Variants in GBF1 observed in about 807,000 individuals in gnomAD.
GBF1 encodes golgi brefeldin A resistant guanine nucleotide exchange factor 1.
A neutral mutation model predicts 210.5 loss-of-function variants in GBF1; 114 were observed. That is an observed-to-expected ratio of 0.54 (90% CI 0.47 to 0.63). GBF1 has a LOEUF of 0.63. GBF1 is among the 30% of genes least tolerant of loss of function. GBF1 has a pLI of 0.00. For missense variants in GBF1, 1,851 were observed against 2,357.7 expected (o/e 0.79, Z 4.45); for synonymous variants, 850 against 889.2 (o/e 0.96, Z 0.78).
intron 18 of GBF1, among the ~76,000 whole-genome samples, chr10:102,365,896 G>C (rs1339099732): frequency 1.3e-5 from 2 of 148,696 alleles, no homozygotes; most frequent in African/African-American, 5.2e-5. Context: ...GATAGAGTGA[G>C]ATAGAGTGAG....
intron 18 of GBF1, among the ~76,000 whole-genome samples, chr10:102,365,961 A>G (rs1199019830): frequency 6.6e-6 from 1 of 152,174 alleles, no homozygotes; most frequent in Non-Finnish European, 1.5e-5. Context: ...CAAAAAAAAA[A>G]AAGGTGGGAC....
At chr10:102,230,948 T>C in the GBF1 span, 1 of 1,608,564 alleles carries the variant, frequency 6.2e-7, no homozygotes, top group Non-Finnish European at 8.5e-7. Flanking sequence ...GCAAGAGCCT[T>C]GGGCGGCCAG....
chr10:102,286,294 G>A (rs1343113726), intron 3 of GBF1, among the ~76,000 whole-genome samples: 1 of 149,466 alleles, frequency 6.7e-6, no homozygotes, highest in African/African-American at 2.5e-5. Flanking sequence ...ACCACTCCTC[G>A]CATTCCCTGT....
chr10:102,259,737 G>A (rs1016480692), intron 2 of GBF1, among the ~76,000 whole-genome samples: 1 of 152,182 alleles, frequency 6.6e-6, no homozygotes, highest in African/African-American at 2.4e-5. Flanking sequence ...ATGACATAGT[G>A]GGTATGAAAA....
chr10:102,327,190 T>A (rs2056967772), intron 3 of GBF1, among the ~76,000 whole-genome samples: 1 of 152,230 alleles, frequency 6.6e-6, no homozygotes, highest in South Asian at 2.1e-4. Context: ...TTCAGCTTTT[T>A]AAGTGTCCGA....
rs1236286013 is a variant in GBF1 at position 102,379,970 on chromosome 10, C to G, written c.4878+16C>G. On this transcript the variant is annotated intron_variant, in intron 36 of 39. Coordinates refer to ENST00000369983, the MANE Select transcript of GBF1 (RefSeq NM_001377137.1). Reference sequence around the variant, plus strand: ...GCTCTCTAAGGTACTGCTCACCACCCTATACCCACCCTCTCTCCCATACCT... The same window carrying G: ...GCTCTCTAAGGTACTGCTCACCACCGTATACCCACCCTCTCTCCCATACCT... 3 of 1,501,330 alleles carry G rather than the reference C, an allele frequency of 2.0e-6. No homozygotes were observed. Among genetic ancestry groups the G allele is most frequent in the Non-Finnish European group, 1.8e-6 (2 of 1,081,254 alleles). The allele number at this position is 1,501,330 out of a possible 1,614,324, so 93.0% of individuals were successfully genotyped here.
intron 3 of GBF1, among the ~76,000 whole-genome samples, chr10:102,342,755 T>C (rs796904161): frequency 3.9e-5 from 6 of 152,000 alleles, no homozygotes; most frequent in Non-Finnish European, 5.9e-5. Flanking sequence ...TTGGTCTCTT[T>C]AGGAAGCCTT....
intron 8 of GBF1, among the ~76,000 whole-genome samples, chr10:102,357,379 C>T (rs956224206): frequency 1.3e-5 from 2 of 151,530 alleles, no homozygotes; most frequent in Non-Finnish European, 2.9e-5. Flanking sequence ...CCCATTTACT[C>T]AGGAGGCTGA....
At chr10:102,298,203 G>C (rs547453055) in intron 3 of GBF1, among the ~76,000 whole-genome samples, 1 of 152,140 alleles carries the variant, frequency 6.6e-6, no homozygotes, top group Non-Finnish European at 1.5e-5. Flanking sequence ...AAAGTGCTGA[G>C]ATTACAAGCA....
intron 3 of GBF1, among the ~76,000 whole-genome samples, chr10:102,289,895 A>G (rs1406231127): frequency 6.6e-6 from 1 of 152,174 alleles, no homozygotes; most frequent in Non-Finnish European, 1.5e-5. Flanking sequence ...GGATTGCTTG[A>G]GCACAGGAGC....
intron 3 of GBF1, among the ~76,000 whole-genome samples, chr10:102,327,763 G>T (rs2057015096): frequency 6.6e-6 from 1 of 152,220 alleles, no homozygotes; most frequent in Non-Finnish European, 1.5e-5. Context: ...TGCACTCTGG[G>T]CTGGAATGCA....
intron 1 of GBF1, among the ~76,000 whole-genome samples, chr10:102,257,809 G>A (rs930688267): frequency 6.6e-6 from 1 of 151,534 alleles, no homozygotes; most frequent in African/African-American, 2.4e-5. Flanking sequence ...TGCCCAGGCT[G>A]GTCTTAAATT....
chr10:102,360,472 C>A, intron 12 of GBF1, 77 bp downstream of exon 12: 1 of 975,132 alleles, frequency 1.0e-6, no homozygotes, highest in Non-Finnish European at 1.6e-6. Flanking sequence ...GCTGATTACG[C>A]AAAGAGTATA....
chr10:102,381,654 C>T (rs1051417076), intron 39 of GBF1, among the ~76,000 whole-genome samples: 1 of 151,718 alleles, frequency 6.6e-6, no homozygotes. Context: ...GAAACCCCGC[C>T]TGTACCAAAA....
At chr10:102,251,801 C>T (rs2071576474) in intron 1 of GBF1, among the ~76,000 whole-genome samples, 1 of 152,140 alleles carries the variant, frequency 6.6e-6, no homozygotes, top group South Asian at 2.1e-4. Context: ...ACTGATGCTC[C>T]CTCCTTGGCC....
chr10:102,368,674 G>C, intron 22 of GBF1, 65 bp from the exon 23 acceptor site: 2 of 1,147,066 alleles, frequency 1.7e-6, no homozygotes, highest in Non-Finnish European at 2.6e-6. Context: ...TGCAAGCTCA[G>C]GGACTTGGAA....
chr10:102,242,160 TC>T (rs1041116602), upstream of GBF1, among the ~76,000 whole-genome samples: 20 of 152,108 alleles, frequency 1.3e-4, no homozygotes, highest in Non-Finnish European at 2.6e-4. Context: ...CTTCTTCATT[TC>T]CCCCTTCTTC....
In GBF1 at chr10:102,381,189, G is replaced by A; in HGVS notation, c.5236G>A (p.Ala1746Thr). Residue 1746 changes from alanine to threonine, a missense_variant, in exon 39 of 40, where the codon GCT (alanine) becomes ACT (threonine). Transcript: ENST00000369983. The stretch of plus-strand genomic sequence containing the variant: ...CGCCTCAGCCCACCTGACTTCCGCT[G>A]CTGGCGACACTAGGACACCTGGCCA... ...PLASAHLTSA[A>T]GDTRTPGHPP... is the part of the protein sequence containing the mutation. 6.2e-7 allele frequency: 1 copy of A among 1,613,952 alleles called. No individual in the cohort carries two copies. Among genetic ancestry groups the A allele is most frequent in the Non-Finnish European group, 8.5e-7 (1 of 1,179,908 alleles).
At chr10:102,261,652 G>C (rs1590536780) in intron 3 of GBF1, among the ~76,000 whole-genome samples, 1 of 118,614 alleles carries the variant, frequency 8.4e-6, no homozygotes, top group South Asian at 2.5e-4. Flanking sequence ...GTGTCTCTCT[G>C]TTGCCTAGGC....
Sources: gnomAD v4.1 joint callset for allele counts (sites outside exome capture counted in the v4.1 genomes callset) on GRCh38, gnomAD v4.1.1 for gene constraint, MANE v1.5 for transcripts, NCBI Gene and HGNC (gene_info 2026-07-23, HGNC 2026-07-21) for gene names.